The following ST6GALNAC5 variants were observed in gnomAD, a reference collection of about 807,000 sequenced individuals.
ST6GALNAC5 encodes alpha-N-acetylgalactosaminide alpha-2,6-sialyltransferase 5.
In ST6GALNAC5, 27 loss-of-function variants were observed where a neutral mutation model predicts 33.6. That is an observed-to-expected ratio of 0.80 (90% CI 0.59 to 1.11). The LOEUF is 1.11. ST6GALNAC5 is among the 50% of genes least tolerant of loss of function. ST6GALNAC5 has a pLI of 0.00. For missense variants in ST6GALNAC5, 428 were observed against 454.0 expected (o/e 0.94, Z 0.52); for synonymous variants, 194 against 171.2 (o/e 1.13, Z -1.04).
chr1:76,923,281 G>GAAA (rs5775369), intron 2 of ST6GALNAC5, among the ~76,000 whole-genome samples: 1 of 146,416 alleles, frequency 6.8e-6, no homozygotes, highest in Non-Finnish European at 1.5e-5. Flanking sequence ...ATTACCTAAT[G>GAAA]AAAAAAAAAA....
chr1:76,971,262 T>C (rs1164877019), intron 2 of ST6GALNAC5, among the ~76,000 whole-genome samples: 2 of 152,144 alleles, frequency 1.3e-5, no homozygotes, highest in African/African-American at 4.8e-5. Flanking sequence ...TGATGTCTTA[T>C]TTAAGGGGAA....
intron 2 of ST6GALNAC5, among the ~76,000 whole-genome samples, chr1:76,987,497 C>T (rs1174822224): frequency 6.6e-6 from 1 of 152,098 alleles, no homozygotes; most frequent in Non-Finnish European, 1.5e-5. Flanking sequence ...GGTCAGAATG[C>T]AAAATGTTGC....
At chr1:77,061,140 A>G (rs1432801822) in intron 4 of ST6GALNAC5, among the ~76,000 whole-genome samples, 3 of 152,226 alleles carry the variant, frequency 2.0e-5, no homozygotes, top group Admixed American at 2.0e-4. Context: ...ACTAGTCAGG[A>G]AAGGATCCAG....
At chr1:77,053,881 G>T (rs1215780917) in intron 4 of ST6GALNAC5, among the ~76,000 whole-genome samples, 1 of 152,162 alleles carries the variant, frequency 6.6e-6, no homozygotes, top group East Asian at 1.9e-4. Flanking sequence ...CTCAAAGTGT[G>T]CCTGGCCTTT....
At position 77,063,468 on chromosome 1, in the gene ST6GALNAC5, C is replaced by G. The variant is rs1252531250; in HGVS notation, c.*262C>G. On this transcript the variant is annotated 3_prime_UTR_variant, in exon 5 of 5. Coordinates refer to ENST00000477717, the MANE Select transcript of ST6GALNAC5 (RefSeq NM_030965.3). ...CTGAACATTCAATTCAGTTACACCA[C>G]TATGACTAAAAACAGTTTGGATCTC... is the stretch of plus-strand genomic sequence containing the variant. 5 of 463,830 alleles carry G rather than the reference C, an allele frequency of 1.1e-5. No homozygotes were observed. Among genetic ancestry groups the G allele is most frequent in the Non-Finnish European group, 2.0e-5 (5 of 255,952 alleles). 28.7% of individuals were successfully genotyped at this position (463,830 alleles called of 1,614,324 possible).
intron 2 of ST6GALNAC5, among the ~76,000 whole-genome samples, chr1:76,976,828 A>ATT (rs141780288): frequency 6.6e-6 from 1 of 150,862 alleles, no homozygotes; most frequent in African/African-American, 2.4e-5. Flanking sequence ...CAGTTTTGGG[A>ATT]TTTTTTTTTA....
chr1:77,021,764 A>G (rs941283231), intron 2 of ST6GALNAC5, among the ~76,000 whole-genome samples: 1 of 152,160 alleles, frequency 6.6e-6, no homozygotes, highest in Non-Finnish European at 1.5e-5. Context: ...TCCCTCTCCA[A>G]TAAGCCTGTG....
At chr1:76,970,106 C>A (rs1459883878) in intron 2 of ST6GALNAC5, among the ~76,000 whole-genome samples, 3 of 152,012 alleles carry the variant, frequency 2.0e-5, no homozygotes, top group African/African-American at 7.2e-5. Context: ...GAAACCAGAG[C>A]AGAAAAGCTG....
At chr1:77,013,166 C>T (rs1048053740) in intron 2 of ST6GALNAC5, among the ~76,000 whole-genome samples, 8 of 152,162 alleles carry the variant, frequency 5.3e-5, no homozygotes, top group Non-Finnish European at 8.8e-5. Context: ...TCCCCCAACT[C>T]ATGTCCTCTT....
At chr1:77,023,874 C>T (rs1651141843) in intron 2 of ST6GALNAC5, among the ~76,000 whole-genome samples, 1 of 152,116 alleles carries the variant, frequency 6.6e-6, no homozygotes, top group African/African-American at 2.4e-5. Context: ...CATTGGGGTG[C>T]CATGAGCAGG....
intron 4 of ST6GALNAC5, 110 bp from the exon 5 acceptor site, chr1:77,062,865 A>T: frequency 4.1e-6 from 3 of 732,164 alleles, no homozygotes; most frequent in South Asian, 3.8e-5. Context: ...AACTCATTTA[A>T]CTAGAAAATA....
chr1:76,944,942 G>A (rs951637092), intron 2 of ST6GALNAC5, among the ~76,000 whole-genome samples: 6 of 152,254 alleles, frequency 3.9e-5, no homozygotes, highest in Middle Eastern at 3.4e-3. Flanking sequence ...TGAGAAATAA[G>A]GGGTTTGGAG....
In ST6GALNAC5 at chr1:76,983,019, C is replaced by T. The variant is rs147315270; in HGVS notation, c.262-61185C>T. On this transcript the variant is annotated intron_variant, in intron 2 of 4. Coordinates refer to ENST00000477717, the MANE Select transcript of ST6GALNAC5 (RefSeq NM_030965.3). ...AAGAGCTCCTGAAGGAGGCACTAAACATGGAAAGGAACAACCAGTACCAGC... is the reference window on the plus strand; with the variant it reads ...AAGAGCTCCTGAAGGAGGCACTAAATATGGAAAGGAACAACCAGTACCAGC... Among the ~76,000 whole-genome samples, 227 of 152,100 alleles carry T rather than the reference C, an allele frequency of 1.5e-3. 1 individual carries two copies. Among genetic ancestry groups the T allele is most frequent in the African/African-American group, 4.8e-3 (200 of 41,548 alleles).
Position 77,027,499 on chromosome 1 carries a change from T to A in ST6GALNAC5, c.262-16705T>A, listed in dbSNP as rs575729326. On this transcript the variant is annotated intron_variant, in intron 2 of 4. Transcript: ENST00000477717. ...AATGCTGGCAAACAAACCACCATTATAACCGAGTTGGAGTAATTCAGGGCA... is the reference window on the plus strand; with the variant it reads ...AATGCTGGCAAACAAACCACCATTAAAACCGAGTTGGAGTAATTCAGGGCA... 3.5e-4 allele frequency among the ~76,000 whole-genome samples: 54 copies of A among 152,342 alleles called. 1 individual carries two copies. Among genetic ancestry groups the A allele is most frequent in the African/African-American group, 1.3e-3 (52 of 41,580 alleles).
At chr1:76,916,581 A>G (rs1646977248) in intron 2 of ST6GALNAC5, among the ~76,000 whole-genome samples, 1 of 152,128 alleles carries the variant, frequency 6.6e-6, no homozygotes, top group African/African-American at 2.4e-5. Context: ...TTATTAAAGG[A>G]TGGGAACTTG....
chr1:77,062,888 G>T, intron 4 of ST6GALNAC5, 87 bp from the exon 5 acceptor site: 1 of 895,908 alleles, frequency 1.1e-6, no homozygotes, highest in South Asian at 1.6e-5. Context: ...ATTTTTATCA[G>T]CTTATTAAAG....
intron 2 of ST6GALNAC5, among the ~76,000 whole-genome samples, chr1:76,999,017 G>T (rs1305036940): frequency 6.6e-6 from 1 of 152,122 alleles, no homozygotes; most frequent in Non-Finnish European, 1.5e-5. Context: ...AACTTACACA[G>T]CTGGCTCTTT....
intron 2 of ST6GALNAC5, among the ~76,000 whole-genome samples, chr1:76,949,794 G>A (rs550779325): frequency 1.6e-4 from 24 of 152,146 alleles, no homozygotes; most frequent in Admixed American, 4.6e-4. Flanking sequence ...ACTGATTTTC[G>A]TTTTTTTCTA....
chr1:76,948,096 C>A (rs1647594448), intron 2 of ST6GALNAC5, among the ~76,000 whole-genome samples: 1 of 152,134 alleles, frequency 6.6e-6, no homozygotes, highest in Non-Finnish European at 1.5e-5. Flanking sequence ...TCAGATGGCC[C>A]TCTTCCATCT....
Sources: allele counts gnomAD v4.1 joint callset (sites outside exome capture counted in the v4.1 genomes callset), GRCh38; gene constraint gnomAD v4.1.1; transcripts MANE v1.5; gene names NCBI Gene and HGNC (gene_info 2026-07-23, HGNC 2026-07-21).